The following NIM1K variants were observed in gnomAD, a reference collection of about 807,000 sequenced individuals.
NIM1K encodes NIM1 serine/threonine protein kinase, also known as serine/threonine-protein kinase NIM1.
NIM1K carries 35 observed loss-of-function variants against 37.1 expected under a neutral mutation model. The ratio of observed to expected loss-of-function variants is 0.94; its 90% CI spans 0.72 to 1.25. The LOEUF is 1.25. NIM1K is among the 50% of genes most tolerant of loss of function. The pLI is 0.00. For synonymous variants in NIM1K, 234 were observed against 206.6 expected (o/e 1.13, Z -1.14); for missense variants, 564 against 548.0 (o/e 1.03, Z -0.29).
intron 1 of NIM1K, among the ~76,000 whole-genome samples, chr5:43,237,435 A>C (rs1156250280): frequency 6.6e-6 from 1 of 152,220 alleles, no homozygotes; most frequent in Non-Finnish European, 1.5e-5. Flanking sequence ...TTGAGTTTCT[A>C]AGCTCTCATT....
At chr5:43,276,911 A>G (rs1753349934) in intron 2 of NIM1K, 146 bp from the exon 3 acceptor site, 2 of 793,170 alleles carry the variant, frequency 2.5e-6, no homozygotes, top group Non-Finnish European at 4.2e-6. Flanking sequence ...GGGCTTAAGC[A>G]TTGCTTTGTC....
At chr5:43,200,566 A>T (rs1426150910) in intron 1 of NIM1K, among the ~76,000 whole-genome samples, 3 of 151,308 alleles carry the variant, frequency 2.0e-5, no homozygotes, top group Non-Finnish European at 4.4e-5. Context: ...TCCCAAAGTG[A>T]TGAGATTACA....
At chr5:43,219,510 G>A (rs993916199) in intron 1 of NIM1K, among the ~76,000 whole-genome samples, 2 of 152,016 alleles carry the variant, frequency 1.3e-5, no homozygotes, top group Admixed American at 6.6e-5. Flanking sequence ...CAAAGTGCTG[G>A]GATTGCTGAT....
At chr5:43,214,249 T>C (rs1752264551) in intron 1 of NIM1K, among the ~76,000 whole-genome samples, 1 of 152,198 alleles carries the variant, frequency 6.6e-6, no homozygotes, top group East Asian at 1.9e-4. Flanking sequence ...GATATATGCA[T>C]ATTTTTAGCC....
intron 1 of NIM1K, among the ~76,000 whole-genome samples, chr5:43,198,715 T>C (rs1751973376): frequency 6.6e-6 from 1 of 152,188 alleles, no homozygotes; most frequent in African/African-American, 2.4e-5. Context: ...AAGCCTCATC[T>C]GTTTTGTGTG....
chr5:43,260,976 T>C (rs1753019540), intron 2 of NIM1K, among the ~76,000 whole-genome samples: 1 of 152,254 alleles, frequency 6.6e-6, no homozygotes, highest in East Asian at 1.9e-4. Flanking sequence ...TTCCATGGTG[T>C]ATATATGCCA....
At chr5:43,277,967 GCCTGCCTTCCAC>G (rs1753375402) in intron 3 of NIM1K, among the ~76,000 whole-genome samples, 2 of 150,606 alleles carry the variant, frequency 1.3e-5, no homozygotes, top group East Asian at 3.9e-4. Context: ...CTTCCTTCCT[GCCTGCCTTCCAC>G]CCTTCCTTCC....
chr5:43,244,331 A>T (rs1259492907), intron 1 of NIM1K, among the ~76,000 whole-genome samples: 2 of 152,256 alleles, frequency 1.3e-5, no homozygotes, highest in Non-Finnish European at 2.9e-5. Context: ...TGAGCAGGAC[A>T]TACCTACAAG....
At chr5:43,232,772 C>T in intron 1 of NIM1K, 1 of 1,119,294 alleles carries the variant, frequency 8.9e-7, no homozygotes, top group African/African-American at 1.5e-5. Flanking sequence ...AACAAGAAGC[C>T]TTGGCGATCC....
At chr5:43,265,107 T>G (rs1753105121) in intron 2 of NIM1K, among the ~76,000 whole-genome samples, 1 of 152,230 alleles carries the variant, frequency 6.6e-6, no homozygotes. Flanking sequence ...GGAATTGCTC[T>G]TTTCGAGGAG....
intron 1 of NIM1K, chr5:43,207,840 G>A (rs765468522): frequency 7.1e-5 from 24 of 337,248 alleles, no homozygotes; most frequent in Non-Finnish European, 1.2e-4. Flanking sequence ...CACATGTGTT[G>A]CAAATAGCCT....
chr5:43,278,767 G>C (rs531256028), intron 3 of NIM1K, among the ~76,000 whole-genome samples: 8 of 152,200 alleles, frequency 5.3e-5, no homozygotes, highest in South Asian at 2.1e-4. Flanking sequence ...GAATTTGCAA[G>C]GGAATCTGTG....
chr5:43,276,326 C>A (rs1488869079), intron 2 of NIM1K, among the ~76,000 whole-genome samples: 3 of 152,238 alleles, frequency 2.0e-5, no homozygotes, highest in Non-Finnish European at 4.4e-5. Flanking sequence ...GAAGGCACAT[C>A]ACACTGTGAA....
chr5:43,255,304 T>C (rs751044592), intron 2 of NIM1K, among the ~76,000 whole-genome samples: 2 of 152,188 alleles, frequency 1.3e-5, no homozygotes, highest in African/African-American at 2.4e-5. Flanking sequence ...GCACCTACTA[T>C]GCAATAGCCA....
intron 1 of NIM1K, among the ~76,000 whole-genome samples, chr5:43,210,769 C>A (rs1303584547): frequency 1.3e-5 from 2 of 152,156 alleles, no homozygotes; most frequent in African/African-American, 2.4e-5. Context: ...GGAGAAAAGG[C>A]ATGCAAATTT....
chr5:43,246,044 T>C lies in NIM1K; in HGVS notation c.269T>C (p.Leu90Pro). The C allele has an allele frequency of 1.2e-6, 2 of 1,613,104 alleles. No individual in the cohort carries two copies. The highest frequency in any genetic ancestry group is 2.2e-5 in the East Asian group (1 of 44,870). The change falls in exon 2 of 4, where the codon CTT becomes CCT. Residue 90 changes from leucine (L) to proline (P), a missense_variant. Coordinates refer to ENST00000326035, the MANE Select transcript of NIM1K (RefSeq NM_153361.4). ...AGTGGAAACTTCTCCCAAGTGAAGC[T>C]TGGGATTCACTCCCTAACCAAAGGT... is the stretch of plus-strand genomic sequence containing the variant. ...IGSGNFSQVKLGIHSLTKEKV... is the reference protein window; with the variant it reads ...IGSGNFSQVKPGIHSLTKEKV...
chr5:43,269,067 G>T (rs113840901), intron 2 of NIM1K, among the ~76,000 whole-genome samples: 4,865 of 152,046 alleles, frequency 0.032, 288 homozygotes, highest in African/African-American at 0.11. Context: ...CCAGCACTTT[G>T]GGAGGCTGAG....
chr5:43,218,486 T>A (rs1579961957), intron 1 of NIM1K, among the ~76,000 whole-genome samples: 1 of 152,130 alleles, frequency 6.6e-6, no homozygotes, highest in Admixed American at 6.5e-5. Context: ...GAAGTTTGCA[T>A]TCATGGTGGA....
At chr5:43,205,018 CA>C (rs1236130451) in intron 1 of NIM1K, among the ~76,000 whole-genome samples, 2 of 151,734 alleles carry the variant, frequency 1.3e-5, no homozygotes, top group Non-Finnish European at 2.9e-5. Context: ...ACAACAACAA[CA>C]AAAAAACAAA....
Sources: gnomAD v4.1 joint callset for allele counts (sites outside exome capture counted in the v4.1 genomes callset) on GRCh38, gnomAD v4.1.1 for gene constraint, MANE v1.5 for transcripts, NCBI Gene and HGNC (gene_info 2026-07-23, HGNC 2026-07-21) for gene names.